KLHDC1: variants seen among roughly 807,000 people sequenced by gnomAD.
KLHDC1 encodes kelch domain-containing protein 1.
In KLHDC1, 53 loss-of-function variants were observed where a neutral mutation model predicts 68.3. The ratio of observed to expected loss-of-function variants is 0.78; its 90% CI spans 0.62 to 0.98. KLHDC1 has a LOEUF of 0.98. Among genes scored for constraint, KLHDC1 ranks in the 50% least tolerant of loss-of-function variants. The pLI is 0.00. For synonymous variants in KLHDC1, 148 were observed against 159.0 expected, an observed-to-expected ratio of 0.93 and a Z score of 0.52; for missense variants, 470 against 492.3, an observed-to-expected ratio of 0.95 and a Z score of 0.43.
rs1027713440 is a variant in KLHDC1, at chr14:49,714,199, C to G, written c.404+3818C>G. On this transcript the variant is annotated intron_variant, in intron 4 of 12. Transcript: ENST00000359332. ...GTTTAAAAATCTAGGCTGGGCTGGGCGTGGTGGCTCACACCTGTAATCCCA... is the reference window on the plus strand; with the variant it reads ...GTTTAAAAATCTAGGCTGGGCTGGGGGTGGTGGCTCACACCTGTAATCCCA... Among the ~76,000 whole-genome samples the G allele has an allele frequency of 2.0e-5, 3 of 151,216 alleles. No individual in the cohort carries two copies. The East Asian group carries it at 5.9e-4, about 30-fold the overall frequency.
chr14:49,741,192 T>G (rs2139766116), intron 11 of KLHDC1, among the ~76,000 whole-genome samples: 1 of 152,306 alleles, frequency 6.6e-6, no homozygotes, highest in Non-Finnish European at 1.5e-5. Context: ...TGTTAGCTAA[T>G]TTTAGAGTTA....
At chr14:49,725,060 A>G (rs763747991) in intron 5 of KLHDC1, among the ~76,000 whole-genome samples, 70 of 152,334 alleles carry the variant, frequency 4.6e-4, no homozygotes, top group Non-Finnish European at 7.9e-4. Flanking sequence ...TGACAAAAAT[A>G]AATGATGTCT....
rs538867834 is a variant in KLHDC1, at chr14:49,718,745, T to G, written c.405-5129T>G. Among the ~76,000 whole-genome samples the G allele has an allele frequency of 7.3e-5, 11 of 150,258 alleles. No homozygotes were observed. In the South Asian group the frequency reaches 2.3e-3, roughly 31 times the overall value. On this transcript the variant is annotated intron_variant, in intron 4 of 12. Coordinates refer to ENST00000359332, the MANE Select transcript of KLHDC1 (RefSeq NM_172193.3). ...CAAAGAATCAACTTTTGTTTTGTTG[T>G]TTTTCTTTTTCTTTTCTTTCTTTCT...
At chr14:49,693,748 C>CTTTTTTTTTCTTTTTTTTTTTTTT in intron 1 of KLHDC1, among the ~76,000 whole-genome samples, 1 of 61,540 alleles carries the variant, frequency 1.6e-5, no homozygotes, top group Non-Finnish European at 3.4e-5. Context: ...TTTTCTTTTT[C>CTTTTTTTTTCTTTTTTTTTTTTTT]TTTTTTTTTT....
At chr14:49,739,133 C>T (rs1432620757) in intron 10 of KLHDC1, among the ~76,000 whole-genome samples, 1 of 152,150 alleles carries the variant, frequency 6.6e-6, no homozygotes, top group African/African-American at 2.4e-5. Context: ...ATTTGGAATA[C>T]TTCCTGGGTG....
intron 4 of KLHDC1, among the ~76,000 whole-genome samples, chr14:49,721,816 CTT>C (rs1888532338): frequency 6.6e-6 from 1 of 152,156 alleles, no homozygotes; most frequent in African/African-American, 2.4e-5. Context: ...AGGGAGTTCT[CTT>C]TGCTCTCTGA....
chr14:49,705,365 C>CTTTTTTTTCTTTTTTTT (rs1888021286), intron 1 of KLHDC1, among the ~76,000 whole-genome samples: 1 of 71,660 alleles, frequency 1.4e-5, no homozygotes, highest in Admixed American at 2.6e-4. Context: ...TTCTTTCTTT[C>CTTTTTTTTCTTTTTTTT]TTTTTTTTTT....
At chr14:49,707,068 T>C (rs1459410098) in intron 1 of KLHDC1, among the ~76,000 whole-genome samples, 1 of 152,198 alleles carries the variant, frequency 6.6e-6, no homozygotes, top group East Asian at 1.9e-4. Context: ...CAGACCAATG[T>C]CCTGGTGAGT....
At chr14:49,743,956 A>G in intron 12 of KLHDC1, 151 bp downstream of exon 12, 1 of 572,126 alleles carries the variant, frequency 1.7e-6, no homozygotes, top group Non-Finnish European at 3.1e-6. Context: ...TCAAATTTAT[A>G]ATGGTGAACT....
rs1252258703 is a variant in KLHDC1 at position 49,695,118 on chromosome 14, G to GTGTGTGTGTGTA, written c.96+1839_96+1840insATGTGTGTGTGT. Among the ~76,000 whole-genome samples the GTGTGTGTGTGTA allele has an allele frequency of 3.0e-3, 444 of 147,906 alleles. 3 individuals are homozygous for GTGTGTGTGTGTA. Among genetic ancestry groups the GTGTGTGTGTGTA allele is most frequent in the African/African-American group, 0.01 (412 of 39,356 alleles). On this transcript the variant is annotated intron_variant, in intron 1 of 12. Transcript: ENST00000359332. ...CTGTAACATGCAATGCAGTTTTGAT[G>GTGTGTGTGTGTA]TGTGTGTGTGTGTGTGTGTGTGTGT...
At chr14:49,749,387 G>A (rs985462973) in intron 12 of KLHDC1, among the ~76,000 whole-genome samples, 1 of 152,042 alleles carries the variant, frequency 6.6e-6, no homozygotes, top group African/African-American at 2.4e-5. Flanking sequence ...CAGTTTATTG[G>A]CTAGGTGCAA....
intron 1 of KLHDC1, among the ~76,000 whole-genome samples, chr14:49,705,225 C>T (rs1246530352): frequency 6.6e-6 from 1 of 152,008 alleles, no homozygotes; most frequent in Non-Finnish European, 1.5e-5. Flanking sequence ...GTGTGAAAGG[C>T]AACTTGAAGT....
chr14:49,729,553 G>T lies in KLHDC1; in HGVS notation c.710+5G>T. On this transcript the variant is annotated splice_donor_5th_base_variant and intron_variant, in intron 8 of 12. Transcript: ENST00000359332. ...CACCTGGACTTGGTCTGGAAGGTAA[G>T]TTTGAAGTCTAAGTACGTTTTAATC... is the stretch of plus-strand genomic sequence containing the variant. 2 of 1,588,356 alleles carry T rather than the reference G, an allele frequency of 1.3e-6. No individual in the cohort carries two copies. Among genetic ancestry groups the T allele is most frequent in the Non-Finnish European group, 1.7e-6 (2 of 1,157,240 alleles).
intron 1 of KLHDC1, among the ~76,000 whole-genome samples, chr14:49,699,034 C>T (rs1300969611): frequency 6.6e-6 from 1 of 151,396 alleles, no homozygotes; most frequent in Non-Finnish European, 1.5e-5. Flanking sequence ...CGTGGTGGCA[C>T]GTGCCTGTAA....
chr14:49,707,645 C>CA (rs1325179678), intron 1 of KLHDC1: 1 of 84,892 alleles, frequency 1.2e-5, no homozygotes, highest in Non-Finnish European at 2.3e-5. Context: ...TACACCTGGC[C>CA]CTTTTTTTTT....
chr14:49,731,122 A>G (rs1888796582), intron 8 of KLHDC1, among the ~76,000 whole-genome samples: 1 of 152,172 alleles, frequency 6.6e-6, no homozygotes. Context: ...TCTACTAAAT[A>G]CAAAACAATT....
At chr14:49,699,181 AAT>A (rs1555337894) in intron 1 of KLHDC1, among the ~76,000 whole-genome samples, 2 of 151,308 alleles carry the variant, frequency 1.3e-5, no homozygotes, top group South Asian at 2.1e-4. Context: ...AAAAAAAAAA[AAT>A]CACAGTTCTT....
intron 8 of KLHDC1, 22 bp from the exon 9 acceptor site, chr14:49,732,682 T>G: frequency 8.1e-7 from 1 of 1,234,070 alleles, no homozygotes; most frequent in South Asian, 1.2e-5. Context: ...GTACCTAGAC[T>G]TTCTTTTTCT....
intron 5 of KLHDC1, among the ~76,000 whole-genome samples, chr14:49,724,630 T>C (rs188106788): frequency 1.3e-5 from 2 of 152,244 alleles, no homozygotes; most frequent in African/African-American, 4.8e-5. Context: ...CCCATGTTTC[T>C]ATGTTGTTTT....
Sources: gnomAD v4.1 joint callset for allele counts (sites outside exome capture counted in the v4.1 genomes callset) on GRCh38, gnomAD v4.1.1 for gene constraint, MANE v1.5 for transcripts, NCBI Gene and HGNC (gene_info 2026-07-23, HGNC 2026-07-21) for gene names.